SLC25A12: variants seen among roughly 807,000 people sequenced by gnomAD.
SLC25A12 encodes the protein electrogenic aspartate/glutamate antiporter SLC25A12, mitochondrial.
In SLC25A12, 32 loss-of-function variants were observed where a neutral mutation model predicts 83.3. The observed-to-expected ratio is 0.38, with a 90% CI of 0.29 to 0.52. SLC25A12 has a LOEUF of 0.52. Among genes scored for constraint, SLC25A12 ranks in the 20% least tolerant of loss-of-function variants. The pLI, the probability that SLC25A12 is intolerant of heterozygous loss-of-function variation, is 0.84. For synonymous variants in SLC25A12, 267 were observed against 291.1 expected (o/e 0.92, Z 0.84); for missense variants, 611 against 835.6 (o/e 0.73, Z 3.31).
chr2:171,798,866 C>T (rs1574679337), intron 13 of SLC25A12, among the ~76,000 whole-genome samples: 1 of 152,074 alleles, frequency 6.6e-6, no homozygotes, highest in Non-Finnish European at 1.5e-5. Context: ...TTGGTGTTTC[C>T]CCACAATGCA....
chr2:171,813,108 C>G (rs1185240251), intron 11 of SLC25A12, among the ~76,000 whole-genome samples: 1 of 151,670 alleles, frequency 6.6e-6, no homozygotes, highest in East Asian at 1.9e-4. Context: ...AATTTGGACA[C>G]CAAGAAATAT....
chr2:171,787,840 T>G lies in SLC25A12; in HGVS notation c.1693A>C (p.Arg565=), dbSNP rs745378330. The G allele has an allele frequency of 3.7e-6, 6 of 1,614,192 alleles. No homozygotes were observed. Among genetic ancestry groups the G allele is most frequent in the Non-Finnish European group, 2.5e-6 (3 of 1,180,024 alleles). Residue 565 remains arginine, a synonymous_variant, in exon 16 of 18, where the codon AGG becomes CGG. Transcript: ENST00000422440. ...TTYSGVIDCF[R]KILREEGPSA... ...GGCCCTTCTTCCCGGAGAATCTTCC[T>G]GAAACAGTCGATGACACCACTGTAT...
intron 4 of SLC25A12, among the ~76,000 whole-genome samples, chr2:171,849,347 A>C (rs547391642): frequency 5.3e-5 from 8 of 150,268 alleles, no homozygotes; most frequent in Non-Finnish European, 1.2e-4. Flanking sequence ...TTGAGTACTA[A>C]AAAAAAAAGC....
chr2:171,850,224 T>C (rs559676504), intron 4 of SLC25A12, among the ~76,000 whole-genome samples: 1 of 150,314 alleles, frequency 6.7e-6, no homozygotes, highest in Admixed American at 6.6e-5. Context: ...CAAGCAATTC[T>C]CCTGCCTCAG....
At chr2:171,883,967 C>A (rs1220408974) in intron 2 of SLC25A12, among the ~76,000 whole-genome samples, 2 of 151,044 alleles carry the variant, frequency 1.3e-5, no homozygotes, top group Admixed American at 1.3e-4. Context: ...CTCACATGAT[C>A]TTCCTTCCTC....
intron 13 of SLC25A12, among the ~76,000 whole-genome samples, chr2:171,808,068 A>G (rs767451109): frequency 6.6e-6 from 1 of 152,270 alleles, no homozygotes; most frequent in Non-Finnish European, 1.5e-5. Context: ...CTGTCAGCCA[A>G]TTCAACTGGA....
At chr2:171,850,333 C>CTTTCTTTTTTTTTTTTTTTT (rs1553474522) in intron 4 of SLC25A12, among the ~76,000 whole-genome samples, 2 of 103,462 alleles carry the variant, frequency 1.9e-5, no homozygotes, top group South Asian at 3.3e-4. Context: ...CCAGGCTGGT[C>CTTTCTTTTTTTTTTTTTTTT]TTTGTTTTTT....
chr2:171,866,833 G>A (rs1243012231), intron 3 of SLC25A12, among the ~76,000 whole-genome samples: 4 of 143,874 alleles, frequency 2.8e-5, no homozygotes, highest in Non-Finnish European at 4.6e-5. Context: ...CCTCCCTCCC[G>A]GACGGGGTGG....
chr2:171,839,192 A>G (rs956780950), intron 5 of SLC25A12, among the ~76,000 whole-genome samples: 1 of 152,206 alleles, frequency 6.6e-6, no homozygotes, highest in Non-Finnish European at 1.5e-5. Flanking sequence ...TCTCAAATGC[A>G]TATATTTTCA....
chr2:171,870,551 G>A (rs958775457), intron 2 of SLC25A12, among the ~76,000 whole-genome samples: 2 of 152,162 alleles, frequency 1.3e-5, no homozygotes, highest in African/African-American at 4.8e-5. Context: ...AGCCTAGGAG[G>A]TGGAGGTTGC....
At chr2:171,842,302 A>G (rs952309186) in intron 5 of SLC25A12, among the ~76,000 whole-genome samples, 3 of 151,890 alleles carry the variant, frequency 2.0e-5, no homozygotes, top group Non-Finnish European at 4.4e-5. Context: ...GCAAAAGTTC[A>G]TATTGTTTGG....
rs765898643 is a variant in SLC25A12 at position 171,806,404 on chromosome 2, G to A, written c.1305+3202C>T. ...TGGGAGGTGGAGGCTGCGGTGGGCCGAGATCGTGCCATTGCATTCCAGCCT... is the reference window on the plus strand; with the variant it reads ...TGGGAGGTGGAGGCTGCGGTGGGCCAAGATCGTGCCATTGCATTCCAGCCT... On this transcript the variant is annotated intron_variant, in intron 13 of 17. Transcript: ENST00000422440. Among the ~76,000 whole-genome samples the A allele has an allele frequency of 3.3e-5, 5 of 152,184 alleles. No individual in the cohort carries two copies. The East Asian group carries it at 5.8e-4, about 18-fold the overall frequency.
intron 6 of SLC25A12, 72 bp downstream of exon 6, chr2:171,837,049 G>A (rs567073357): frequency 8.9e-6 from 13 of 1,456,590 alleles, no homozygotes; most frequent in African/African-American, 8.3e-5. Context: ...TGAGTCCCTG[G>A]AGGCAATCCA....
intron 2 of SLC25A12, among the ~76,000 whole-genome samples, chr2:171,884,493 C>T (rs1038791833): frequency 3.4e-5 from 5 of 149,090 alleles, no homozygotes; most frequent in Non-Finnish European, 7.4e-5. Flanking sequence ...AGGCTGGGCA[C>T]GGATGGTGGC....
intron 4 of SLC25A12, among the ~76,000 whole-genome samples, chr2:171,846,751 A>G (rs1684805325): frequency 6.6e-6 from 1 of 152,196 alleles, no homozygotes; most frequent in Admixed American, 6.5e-5. Flanking sequence ...GGTTGCAGTG[A>G]GCCAAGATTG....
intron 2 of SLC25A12, among the ~76,000 whole-genome samples, chr2:171,872,711 GA>G (rs1390450149): frequency 6.6e-6 from 1 of 152,206 alleles, no homozygotes; most frequent in Non-Finnish European, 1.5e-5. Flanking sequence ...GGAATGGAGG[GA>G]GAAAGGCAAC....
At position 171,810,276 on chromosome 2, in the gene SLC25A12, C is replaced by T; in HGVS notation, c.1172G>A (p.Gly391Asp). The T allele has an allele frequency of 6.2e-7, 1 of 1,613,074 alleles. No individual in the cohort carries two copies. The highest frequency in any genetic ancestry group is 8.5e-7 in the Non-Finnish European group (1 of 1,179,204). ...AACCCCTATAAGTTGTGGTATCAGA[C>T]CTAGGTAAAGGGACAGAATCATCAG... ...RYEGFFGLYR[G>D]LIPQLIGVAP... Residue 391 changes from glycine to aspartate, a missense_variant and splice_region_variant, in exon 12 of 18, where the codon GGT becomes GAT. Coordinates refer to ENST00000422440, the MANE Select transcript of SLC25A12 (RefSeq NM_003705.5).
At chr2:171,858,667 CATAA>C (rs1282354988) in intron 3 of SLC25A12, among the ~76,000 whole-genome samples, 1 of 152,146 alleles carries the variant, frequency 6.6e-6, no homozygotes, top group Non-Finnish European at 1.5e-5. Flanking sequence ...CAAGATTTCC[CATAA>C]ATACTCAGTT....
At chr2:171,822,147 C>T (rs1684206264) in intron 9 of SLC25A12, among the ~76,000 whole-genome samples, 1 of 152,168 alleles carries the variant, frequency 6.6e-6, no homozygotes, top group Non-Finnish European at 1.5e-5. Flanking sequence ...TTCCTCACTT[C>T]CCATCCCCTT....
Sources: allele counts gnomAD v4.1 joint callset (sites outside exome capture counted in the v4.1 genomes callset), GRCh38; gene constraint gnomAD v4.1.1; transcripts MANE v1.5; gene names NCBI Gene and HGNC (gene_info 2026-07-23, HGNC 2026-07-21).